HPSE2: variants seen among roughly 807,000 people sequenced by gnomAD.
The protein encoded by HPSE2 is inactive heparanase-2.
HPSE2 carries 38 observed loss-of-function variants against 60.5 expected under a neutral mutation model. The ratio of observed to expected loss-of-function variants is 0.63; its 90% CI spans 0.48 to 0.82. The LOEUF (loss-of-function observed/expected upper bound fraction) is 0.82, where lower values mean the gene tolerates loss of function less well. Among genes scored for constraint, HPSE2 ranks in the 40% least tolerant of loss-of-function variants. The probability of loss-of-function intolerance (pLI) is 0.00; values close to 1 mark genes in which losing one functional copy is unlikely to be tolerated. For missense variants in HPSE2, 713 were observed against 740.4 expected (o/e 0.96, Z 0.43); for synonymous variants, 295 against 293.2 (o/e 1.01, Z -0.06).
At chr10:98,547,735 G>A (rs1264382316) in intron 9 of HPSE2, among the ~76,000 whole-genome samples, 1 of 151,326 alleles carries the variant, frequency 6.6e-6, no homozygotes, top group East Asian at 2.0e-4. Context: ...CAGCACACCA[G>A]CATGGCACAT....
intron 9 of HPSE2, among the ~76,000 whole-genome samples, chr10:98,572,636 A>G (rs1158763140): frequency 1.3e-5 from 2 of 152,194 alleles, no homozygotes; most frequent in East Asian, 3.8e-4. Context: ...TTCCATGACT[A>G]ATGCAATCCA....
rs112237299 is a variant in HPSE2, at chr10:99,229,135, C to T, written c.448+3213G>A. ...ATTGCAGTAAATCAAGATAATGCCA[C>T]TGCCCTCTAGCCTGGGCAAAAGAGG... On this transcript the variant is annotated intron_variant, in intron 2 of 11. Coordinates refer to ENST00000370552, the MANE Select transcript of HPSE2 (RefSeq NM_021828.5). Among the ~76,000 whole-genome samples the T allele has an allele frequency of 1.9e-3, 291 of 151,578 alleles. 2 individuals carry two copies. Among genetic ancestry groups the T allele is most frequent in the African/African-American group, 6.9e-3 (283 of 41,160 alleles).
chr10:98,542,618 C>T (rs11189657), intron 9 of HPSE2, among the ~76,000 whole-genome samples: 67,337 of 151,002 alleles, frequency 0.45, 18,100 homozygotes, highest in South Asian at 0.59. Flanking sequence ...ATAACCAATA[C>T]AGAGAAGTGC....
At chr10:98,495,837 T>C (rs1208940865) in intron 9 of HPSE2, among the ~76,000 whole-genome samples, 2 of 152,230 alleles carry the variant, frequency 1.3e-5, no homozygotes, top group Non-Finnish European at 2.9e-5. Context: ...TTAAAGTCTT[T>C]GCTTAGTAGA....
chr10:98,611,754 A>G (rs2133968785), intron 9 of HPSE2, among the ~76,000 whole-genome samples: 1 of 152,292 alleles, frequency 6.6e-6, no homozygotes, highest in South Asian at 2.1e-4. Flanking sequence ...TAAGGTGCAG[A>G]ATTTATTAGT....
In HPSE2 at chr10:98,909,535, C is replaced by T. The variant is rs533693668; in HGVS notation, c.611-165479G>A. Among the ~76,000 whole-genome samples the T allele has an allele frequency of 1.4e-4, 21 of 150,836 alleles. No individual in the cohort carries two copies. In the East Asian group the frequency reaches 3.5e-3, roughly 25 times the overall value. ...ATCCCAGCTACTCGGGAGGCTGAGG[C>T]AGAAGAATCGCTTGAACTCAGGAGG... On this transcript the variant is annotated intron_variant, in intron 3 of 11. Coordinates refer to ENST00000370552, the MANE Select transcript of HPSE2 (RefSeq NM_021828.5).
intron 3 of HPSE2, among the ~76,000 whole-genome samples, chr10:98,770,827 C>T (rs12268147): frequency 0.038 from 5,754 of 152,112 alleles, 240 homozygotes; most frequent in East Asian, 0.17. Context: ...GCAGGGAATA[C>T]GATGGGGATT....
chr10:98,840,262 A>T (rs1951879652), intron 3 of HPSE2, among the ~76,000 whole-genome samples: 1 of 152,216 alleles, frequency 6.6e-6, no homozygotes, highest in Admixed American at 6.5e-5. Context: ...GGAGAAGAGT[A>T]TGAAAAATTG....
intron 2 of HPSE2, among the ~76,000 whole-genome samples, chr10:99,196,124 T>C (rs1319764411): frequency 6.6e-6 from 1 of 152,108 alleles, no homozygotes; most frequent in Non-Finnish European, 1.5e-5. Context: ...GTCTCTTCAA[T>C]AAATGGTGCT....
chr10:98,748,842 G>A (rs547618130), intron 3 of HPSE2, among the ~76,000 whole-genome samples: 16 of 152,052 alleles, frequency 1.1e-4, no homozygotes, highest in Middle Eastern at 3.4e-3. Flanking sequence ...TTCCATAACA[G>A]TAGGTGTTCA....
At chr10:98,658,507 T>G (rs1012012421) in intron 6 of HPSE2, among the ~76,000 whole-genome samples, 2 of 152,234 alleles carry the variant, frequency 1.3e-5, no homozygotes, top group African/African-American at 4.8e-5. Flanking sequence ...AGTTCGTGAC[T>G]TGATTTATCA....
the HPSE2 span, among the ~76,000 whole-genome samples, chr10:99,289,905 CAGG>C: frequency 6.6e-6 from 1 of 151,994 alleles, no homozygotes; most frequent in African/African-American, 2.4e-5. Context: ...ACAAGGGGAG[CAGG>C]AGGAGGACAG....
rs1314270279 is a variant in HPSE2 at position 98,966,647 on chromosome 10, C to T, written c.610+177591G>A. 3.3e-5 allele frequency among the ~76,000 whole-genome samples: 5 copies of T among 152,112 alleles called. 1 individual carries two copies. Among genetic ancestry groups the T allele is most frequent in the Admixed American group, 3.3e-4 (5 of 15,268 alleles). On this transcript the variant is annotated intron_variant, in intron 3 of 11. Transcript: ENST00000370552. ...ACCTCTACTCCCTCTGTGACGCGCCCCCTCAACTCAGCTGACATTAAAATC... is the reference window on the plus strand; with the variant it reads ...ACCTCTACTCCCTCTGTGACGCGCCTCCTCAACTCAGCTGACATTAAAATC...
intron 9 of HPSE2, among the ~76,000 whole-genome samples, chr10:98,508,120 A>C (rs1942262045): frequency 6.6e-6 from 1 of 152,240 alleles, no homozygotes; most frequent in African/African-American, 2.4e-5. Context: ...ACAAGGGACA[A>C]AGAGAGACAC....
intron 3 of HPSE2, among the ~76,000 whole-genome samples, chr10:98,808,604 A>C (rs1414960): frequency 0.36 from 54,572 of 152,032 alleles, 11,602 homozygotes; most frequent in Non-Finnish European, 0.47. Context: ...CAGAAAAAAA[A>C]CAAAGTTCTC....
At chr10:99,144,470 C>G in intron 2 of HPSE2, 71 bp from the exon 3 acceptor site, 1 of 1,549,416 alleles carries the variant, frequency 6.5e-7, no homozygotes, top group South Asian at 1.1e-5. Context: ...TCATCAAAGT[C>G]TTGTTTCACC....
intron 9 of HPSE2, among the ~76,000 whole-genome samples, chr10:98,549,389 TC>T (rs1158954692): frequency 1.7e-4 from 1 of 5,826 alleles, no homozygotes; most frequent in African/African-American, 2.0e-4. Flanking sequence ...AAGATAAATG[TC>T]GTATTCATTA....
chr10:98,556,242 T>C (rs1441188721), intron 9 of HPSE2, among the ~76,000 whole-genome samples: 3 of 152,154 alleles, frequency 2.0e-5, no homozygotes, highest in Non-Finnish European at 4.4e-5. Context: ...AGGGATGTAC[T>C]CCCAGAGCAC....
chr10:98,788,934 C>T (rs1014005342), intron 3 of HPSE2, among the ~76,000 whole-genome samples: 7 of 152,120 alleles, frequency 4.6e-5, no homozygotes, highest in African/African-American at 9.7e-5. Flanking sequence ...AGCTGTAGAC[C>T]GGAGCTGTTC....
Sources: gnomAD v4.1 joint callset for allele counts (sites outside exome capture counted in the v4.1 genomes callset) on GRCh38, gnomAD v4.1.1 for gene constraint, MANE v1.5 for transcripts, NCBI Gene and HGNC (gene_info 2026-07-23, HGNC 2026-07-21) for gene names.